The following TRAPPC9 variants were observed in gnomAD, a reference collection of about 807,000 sequenced individuals.
TRAPPC9 encodes trafficking protein particle complex subunit 9, also known as IKK2 binding protein.
TRAPPC9 carries 83 observed loss-of-function variants against 124.0 expected under a neutral mutation model. That is an observed-to-expected ratio of 0.67 (90% CI 0.56 to 0.80). The LOEUF (loss-of-function observed/expected upper bound fraction) is 0.80. TRAPPC9 is among the 30% of genes least tolerant of loss of function. TRAPPC9 has a pLI of 0.00. For synonymous variants in TRAPPC9, 638 were observed against 617.5 expected (o/e 1.03, Z -0.49); for missense variants, 1,302 against 1,508.3 (o/e 0.86, Z 2.27).
chr8:140,214,383 T>A (rs1388235349), intron 17 of TRAPPC9, among the ~76,000 whole-genome samples: 4 of 152,222 alleles, frequency 2.6e-5, no homozygotes, highest in Admixed American at 2.6e-4. Flanking sequence ...GGACCCGACA[T>A]CTACCTGTTC....
intron 18 of TRAPPC9, among the ~76,000 whole-genome samples, 181 bp from the exon 19 acceptor site, chr8:139,989,017 G>A (rs1002837112): frequency 6.6e-6 from 1 of 152,218 alleles, no homozygotes; most frequent in South Asian, 2.1e-4. Flanking sequence ...TGAACTCTAA[G>A]GAGTGGGTGT....
chr8:140,393,032 T>TTTTTTTTTTTTTTATTTTA (rs574235886), intron 7 of TRAPPC9, among the ~76,000 whole-genome samples: 1 of 138,024 alleles, frequency 7.2e-6, no homozygotes, highest in Non-Finnish European at 1.6e-5. Context: ...TCCCATTTTA[T>TTTTTTTTTTTTTTATTTTA]TTTTATTTTA....
rs578232867 is a variant in TRAPPC9 at position 139,944,943 on chromosome 8, C to T, written c.2811-34643G>A. Among the ~76,000 whole-genome samples, 6 of 152,030 alleles carry T rather than the reference C, an allele frequency of 3.9e-5. No homozygotes were observed. In the East Asian group the frequency reaches 9.7e-4, roughly 25 times the overall value. On this transcript the variant is annotated intron_variant, in intron 19 of 22. Transcript: ENST00000438773. The stretch of plus-strand genomic sequence containing the variant: ...TTTGAGATCAGCGTGGCCAACATGG[C>T]GAAACCCTGTCTCTACTAAAAATAC...
chr8:140,381,667 CAA>C (rs56659960), intron 7 of TRAPPC9, among the ~76,000 whole-genome samples: 2 of 48,412 alleles, frequency 4.1e-5, no homozygotes, highest in East Asian at 7.1e-4. Context: ...GACTCTGTCT[CAA>C]AAAAAAAAAA....
rs577657718 is a variant in TRAPPC9, at chr8:140,339,387, G to A, written c.1495+20663C>T. ...ATTGAAGTGACAGAAAATACTAATC[G>A]GCTTGAAATTATCAATCAAATCTGA... On this transcript the variant is annotated intron_variant, in intron 9 of 22. Transcript: ENST00000438773. 9.2e-5 allele frequency among the ~76,000 whole-genome samples: 14 copies of A among 152,164 alleles called. No homozygotes were observed. The East Asian group carries it at 2.5e-3, about 27-fold the overall frequency.
chr8:140,382,644 G>A (rs1269602673), intron 7 of TRAPPC9, among the ~76,000 whole-genome samples: 4 of 152,096 alleles, frequency 2.6e-5, no homozygotes, highest in Non-Finnish European at 5.9e-5. Flanking sequence ...GCTTCAGTAG[G>A]TAAACAAAGT....
chr8:140,240,966 C>G (rs1356432075), intron 16 of TRAPPC9, among the ~76,000 whole-genome samples: 3 of 152,236 alleles, frequency 2.0e-5, no homozygotes, highest in Non-Finnish European at 2.9e-5. Context: ...CCACAGCCTA[C>G]CTGGGCCTGC....
chr8:140,418,547 C>A (rs1316953169), intron 5 of TRAPPC9, among the ~76,000 whole-genome samples: 1 of 152,122 alleles, frequency 6.6e-6, no homozygotes, highest in Admixed American at 6.6e-5. Context: ...ATGATAAAAC[C>A]CTGTCTCTAC....
At chr8:139,854,663 G>T (rs148955431) in intron 21 of TRAPPC9, among the ~76,000 whole-genome samples, 172 of 152,312 alleles carry the variant, frequency 1.1e-3, no homozygotes, top group African/African-American at 3.8e-3. Context: ...TCGGCATCAC[G>T]CCTGCACACG....
intron 21 of TRAPPC9, among the ~76,000 whole-genome samples, chr8:139,833,285 G>A (rs143040470): frequency 1.4e-4 from 22 of 152,268 alleles, no homozygotes; most frequent in African/African-American, 1.2e-4. Context: ...TCCCCCAGCC[G>A]ACTTCCCCTT....
In TRAPPC9 at chr8:140,081,346, C is replaced by CATTTTTTTTTTTTT. The variant is rs35254769; in HGVS notation, c.2557-57268_2557-57267insAAAAAAAAAAAAAT. Among the ~76,000 whole-genome samples the CATTTTTTTTTTTTT allele has an allele frequency of 1.4e-5, 2 of 141,050 alleles. 1 individual carries two copies. Among genetic ancestry groups the CATTTTTTTTTTTTT allele is most frequent in the Non-Finnish European group, 3.0e-5 (2 of 66,052 alleles). 92.5% of individuals were successfully genotyped at this position (141,050 alleles called of 152,430 possible). On this transcript the variant is annotated intron_variant, in intron 17 of 22. Coordinates refer to ENST00000438773, the MANE Select transcript of TRAPPC9 (RefSeq NM_001160372.4). ...GTCAAGGTGAAGAATAAAATGAATG[C>CATTTTTTTTTTTTT]TTTTTTTTTTTTTTTTTGAGACAGA...
chr8:140,349,251 G>A (rs1588193442), intron 9 of TRAPPC9, among the ~76,000 whole-genome samples: 1 of 134,074 alleles, frequency 7.5e-6, no homozygotes, highest in African/African-American at 2.8e-5. Flanking sequence ...ACGACGGAAG[G>A]GCACAGAGGG....
At chr8:139,816,378 C>T (rs947254440) in intron 21 of TRAPPC9, among the ~76,000 whole-genome samples, 6 of 152,216 alleles carry the variant, frequency 3.9e-5, no homozygotes, top group African/African-American at 9.6e-5. Context: ...GTCCCCAGAA[C>T]GTTCCTTGCC....
At chr8:139,856,300 C>T (rs754852784) in intron 21 of TRAPPC9, among the ~76,000 whole-genome samples, 3 of 152,160 alleles carry the variant, frequency 2.0e-5, no homozygotes, top group East Asian at 1.9e-4. Context: ...CCTTTGGCCA[C>T]CTCTCCCTGC....
At position 139,746,114 on chromosome 8, in the gene TRAPPC9, C is replaced by T. The variant is rs115059095; in HGVS notation, c.3056-13912G>A. On this transcript the variant is annotated intron_variant, in intron 21 of 22. Coordinates refer to ENST00000438773, the MANE Select transcript of TRAPPC9 (RefSeq NM_001160372.4). The stretch of plus-strand genomic sequence containing the variant: ...TCCACAGTGCCCCTTGCCCTCTGTG[C>T]TGGGCTCCTGCAATCGCCGCCGGTG... Among the ~76,000 whole-genome samples, 1,113 of 152,354 alleles carry T rather than the reference C, an allele frequency of 7.3e-3. 12 individuals carry two copies. Among genetic ancestry groups the T allele is most frequent in the African/African-American group, 0.025 (1,051 of 41,588 alleles).
At chr8:140,031,356 T>C (rs1840485502) in intron 17 of TRAPPC9, among the ~76,000 whole-genome samples, 2 of 152,226 alleles carry the variant, frequency 1.3e-5, no homozygotes, top group Admixed American at 1.3e-4. Flanking sequence ...TATGAACAGT[T>C]ATTCTTTATT....
At chr8:140,119,320 G>C (rs1253199508) in intron 17 of TRAPPC9, among the ~76,000 whole-genome samples, 1 of 152,202 alleles carries the variant, frequency 6.6e-6, no homozygotes, top group East Asian at 1.9e-4. Context: ...AAACAAAAAT[G>C]TTATGCATGA....
intron 21 of TRAPPC9, among the ~76,000 whole-genome samples, chr8:139,810,330 G>C (rs750084007): frequency 6.6e-6 from 1 of 152,174 alleles, no homozygotes; most frequent in African/African-American, 2.4e-5. Context: ...ACGGGGCATG[G>C]GCAGGGATGA....
intron 17 of TRAPPC9, among the ~76,000 whole-genome samples, chr8:140,131,832 C>T (rs1208726530): frequency 6.6e-6 from 1 of 152,208 alleles, no homozygotes; most frequent in African/African-American, 2.4e-5. Flanking sequence ...AAAAAGTCCA[C>T]CAAAGCTCTT....
Sources: allele counts gnomAD v4.1 joint callset (sites outside exome capture counted in the v4.1 genomes callset), GRCh38; gene constraint gnomAD v4.1.1; transcripts MANE v1.5; gene names NCBI Gene and HGNC (gene_info 2026-07-23, HGNC 2026-07-21).